The following HGSNAT variants were observed in gnomAD, a reference collection of about 807,000 sequenced individuals.
HGSNAT encodes transmembrane protein 76.
HGSNAT carries 59 observed loss-of-function variants against 85.2 expected under a neutral mutation model. The ratio of observed to expected loss-of-function variants is 0.69; its 90% CI spans 0.56 to 0.86. The LOEUF (loss-of-function observed/expected upper bound fraction) is 0.86, where lower values mean the gene tolerates loss of function less well. Among genes scored for constraint, HGSNAT ranks in the 40% least tolerant of loss-of-function variants. The probability of loss-of-function intolerance (pLI) is 0.00; values close to 1 mark genes in which losing one functional copy is unlikely to be tolerated. For missense variants in HGSNAT, 756 were observed against 777.1 expected (o/e 0.97, Z 0.32); for synonymous variants, 321 against 304.5 (o/e 1.05, Z -0.56).
chr8:43,185,628 T>G (rs970160581), intron 11 of HGSNAT, among the ~76,000 whole-genome samples: 1 of 152,266 alleles, frequency 6.6e-6, no homozygotes, highest in African/African-American at 2.4e-5. Flanking sequence ...ATACCTTTTA[T>G]TTCTTTCTCC....
intron 14 of HGSNAT, chr8:43,195,904 A>G (rs183668082): frequency 3.2e-5 from 5 of 157,500 alleles, no homozygotes; most frequent in Non-Finnish European, 5.6e-5. Flanking sequence ...TCAGCTGTAC[A>G]TTTTGGTGAT....
intron 2 of HGSNAT, among the ~76,000 whole-genome samples, 198 bp from the exon 3 acceptor site, chr8:43,158,377 T>A (rs980259148): frequency 2.0e-5 from 3 of 152,146 alleles, no homozygotes; most frequent in Non-Finnish European, 4.4e-5. Flanking sequence ...GGATTACAGG[T>A]ATGAGCCACT....
At position 43,159,052 on chromosome 8, in the gene HGSNAT, T is replaced by C; in HGVS notation, c.493+8T>C. ...CAGTTGATAGTAACCTTCGTACGTA[T>C]ATGTTCTCTGCTGATTTTCACATTT... On this transcript the variant is annotated splice_region_variant and intron_variant, in intron 4 of 17. Coordinates refer to ENST00000379644, the MANE Select transcript of HGSNAT (RefSeq NM_152419.3). The C allele has an allele frequency of 6.2e-7, 1 of 1,608,974 alleles. No homozygotes were observed. Among genetic ancestry groups the C allele is most frequent in the Non-Finnish European group, 8.5e-7 (1 of 1,178,140 alleles).
intron 9 of HGSNAT, among the ~76,000 whole-genome samples, chr8:43,176,452 C>T (rs181389524): frequency 1.3e-5 from 2 of 152,204 alleles, no homozygotes; most frequent in East Asian, 3.9e-4. Context: ...TTCTATAGCT[C>T]TGTGGTATAA....
At chr8:43,158,762 T>G in intron 3 of HGSNAT, 51 bp downstream of exon 3, 4 of 1,545,374 alleles carry the variant, frequency 2.6e-6, no homozygotes, top group Non-Finnish European at 3.5e-6. Flanking sequence ...TTTCTCTTTT[T>G]CTATTTTGGT....
chr8:43,173,730 C>G lies in HGSNAT; in HGVS notation c.838C>G (p.Leu280Val). ...TTCTGCAGGGCTGACAGTGGCTGAC[C>G]TCGTGTTCCCGTGGTGAGTTGCCGG... is the stretch of plus-strand genomic sequence containing the variant. ...ASWNGLTVAD[L>V]VFPWFVFIMG... The change falls in exon 9 of 18, where the codon CTC becomes GTC. Residue 280 changes from leucine to valine, a missense_variant. Coordinates refer to ENST00000379644, the MANE Select transcript of HGSNAT (RefSeq NM_152419.3). The G allele has an allele frequency of 6.2e-7, 1 of 1,613,000 alleles. No individual in the cohort carries two copies. Among genetic ancestry groups the G allele is most frequent in the Non-Finnish European group, 8.5e-7 (1 of 1,179,512 alleles).
chr8:43,199,304 TGAAC>T, intron 17 of HGSNAT, 80 bp from the exon 18 acceptor site: 2 of 999,052 alleles, frequency 2.0e-6, no homozygotes, highest in Admixed American at 2.6e-5. Context: ...GTTTTTTCAT[TGAAC>T]TGGTTTCAAG....
intron 2 of HGSNAT, among the ~76,000 whole-genome samples, chr8:43,148,855 A>G (rs1376563543): frequency 6.6e-6 from 1 of 150,728 alleles, no homozygotes; most frequent in Non-Finnish European, 1.5e-5. Context: ...ACGGTGGCTC[A>G]CTCTTATAAT....
At chr8:43,154,951 A>T (rs916939055) in intron 2 of HGSNAT, among the ~76,000 whole-genome samples, 3 of 152,166 alleles carry the variant, frequency 2.0e-5, no homozygotes, top group Non-Finnish European at 4.4e-5. Context: ...AGTGATGATG[A>T]GCATTTTTTC....
rs181516810 is a variant in HGSNAT at position 43,168,323 on chromosome 8, C to A, written c.564-850C>A. Among the ~76,000 whole-genome samples the A allele has an allele frequency of 2.2e-3, 330 of 148,178 alleles. 2 individuals carry two copies. Among genetic ancestry groups the A allele is most frequent in the Admixed American group, 3.4e-3 (51 of 14,858 alleles). Reference sequence around the variant, plus strand: ...CAACTTTTCCCAGTGTGCACATATGCATTTTTGTTTGTAATTGAATGTAAA... The same window carrying A: ...CAACTTTTCCCAGTGTGCACATATGAATTTTTGTTTGTAATTGAATGTAAA... On this transcript the variant is annotated intron_variant, in intron 5 of 17. Transcript: ENST00000379644.
At chr8:43,170,064 G>C (rs1280593090) in intron 6 of HGSNAT, among the ~76,000 whole-genome samples, 1 of 150,730 alleles carries the variant, frequency 6.6e-6, no homozygotes, top group Non-Finnish European at 1.5e-5. Context: ...CAAGAGATTT[G>C]CCCACCTTGG....
At chr8:43,150,359 T>C (rs1802865529) in intron 2 of HGSNAT, among the ~76,000 whole-genome samples, 1 of 152,070 alleles carries the variant, frequency 6.6e-6, no homozygotes, top group South Asian at 2.1e-4. Flanking sequence ...TGCGAGGTAG[T>C]TCACACCTGT....
intron 11 of HGSNAT, among the ~76,000 whole-genome samples, chr8:43,188,545 A>T (rs958125033): frequency 1.3e-5 from 2 of 152,072 alleles, no homozygotes; most frequent in African/African-American, 4.8e-5. Flanking sequence ...CCATTTGTCT[A>T]ATCTTTTCTC....
intron 1 of HGSNAT, among the ~76,000 whole-genome samples, chr8:43,142,415 T>C (rs972663991): frequency 6.6e-6 from 1 of 152,208 alleles, no homozygotes; most frequent in Non-Finnish European, 1.5e-5. Flanking sequence ...TGATGACTTA[T>C]TTGATGGCTT....
At chr8:43,140,704 G>C in intron 1 of HGSNAT, 90 bp downstream of exon 1, 3 of 595,770 alleles carry the variant, frequency 5.0e-6, no homozygotes, top group Non-Finnish European at 6.7e-6. Flanking sequence ...GCGCGGCGCC[G>C]AGCGCTAGGC....
At chr8:43,154,438 C>T (rs1325626691) in intron 2 of HGSNAT, among the ~76,000 whole-genome samples, 2 of 150,562 alleles carry the variant, frequency 1.3e-5, no homozygotes, top group South Asian at 2.1e-4. Context: ...AGTGAGAGCA[C>T]GCGGTGTTTG....
intron 1 of HGSNAT, among the ~76,000 whole-genome samples, chr8:43,146,340 T>C (rs1230131513): frequency 1.3e-5 from 2 of 152,212 alleles, no homozygotes; most frequent in Non-Finnish European, 2.9e-5. Flanking sequence ...ACCCCGCCCC[T>C]GGGCCTCGCT....
chr8:43,151,373 A>G (rs538639538), intron 2 of HGSNAT, among the ~76,000 whole-genome samples: 40 of 152,270 alleles, frequency 2.6e-4, no homozygotes, highest in Non-Finnish European at 1.3e-4. Flanking sequence ...AAAATAACGG[A>G]ACCTGCCGCT....
chr8:43,189,280 A>G (rs962107063), intron 11 of HGSNAT, among the ~76,000 whole-genome samples: 1 of 152,116 alleles, frequency 6.6e-6, no homozygotes, highest in Non-Finnish European at 1.5e-5. Flanking sequence ...GGTGGGCTCC[A>G]CTCAGTTCAA....
Sources: allele counts gnomAD v4.1 joint callset (sites outside exome capture counted in the v4.1 genomes callset), GRCh38; gene constraint gnomAD v4.1.1; transcripts MANE v1.5; gene names NCBI Gene and HGNC (gene_info 2026-07-23, HGNC 2026-07-21).